Variants in JARID2 observed in about 807,000 individuals in gnomAD.
The protein encoded by JARID2 is jumonji and AT-rich interaction domain containing 2.
JARID2 carries 21 observed loss-of-function variants against 125.6 expected under a neutral mutation model. The observed-to-expected ratio is 0.17, with a 90% confidence interval of 0.12 to 0.24. The LOEUF (loss-of-function observed/expected upper bound fraction) is 0.24, where lower values mean the gene tolerates loss of function less well. Ranked by LOEUF, JARID2 falls within the 10% of genes least tolerant of loss-of-function variation. The pLI is 1.00. For synonymous variants in JARID2, 736 were observed against 661.6 expected, an observed-to-expected ratio of 1.11 and a Z score of -1.73; for missense variants, 1,303 against 1,639.6, an observed-to-expected ratio of 0.79 and a Z score of 3.55.
At chr6:15,476,649 C>A (rs761070848) in intron 5 of JARID2, among the ~76,000 whole-genome samples, 7 of 152,170 alleles carry the variant, frequency 4.6e-5, no homozygotes, top group Non-Finnish European at 7.3e-5. Flanking sequence ...TGGGTTAGCA[C>A]TCAAGGGTTA....
At chr6:15,252,467 T>C (rs1181633041) in intron 1 of JARID2, among the ~76,000 whole-genome samples, 1 of 152,176 alleles carries the variant, frequency 6.6e-6, no homozygotes, top group Non-Finnish European at 1.5e-5. Flanking sequence ...CCATGTAACA[T>C]GTAAAGTGTG....
chr6:15,434,463 CTTTG>C (rs1767118044), intron 3 of JARID2, among the ~76,000 whole-genome samples: 1 of 152,058 alleles, frequency 6.6e-6, no homozygotes, highest in African/African-American at 2.4e-5. Context: ...CAGCTGTCAT[CTTTG>C]TTTATTTTAA....
chr6:15,279,971 A>G (rs977416924), intron 1 of JARID2, among the ~76,000 whole-genome samples: 3 of 152,158 alleles, frequency 2.0e-5, no homozygotes, highest in Non-Finnish European at 4.4e-5. Flanking sequence ...CTGACTTTAT[A>G]TTTCGGGAAA....
At chr6:15,507,069 G>T in intron 9 of JARID2, 67 bp from the exon 10 acceptor site, 1 of 993,524 alleles carries the variant, frequency 1.0e-6, no homozygotes, top group Non-Finnish European at 1.6e-6. Context: ...AGTTTTGTTG[G>T]GTTGAACTGT....
At chr6:15,390,535 A>G (rs1329003959) in intron 2 of JARID2, among the ~76,000 whole-genome samples, 1 of 152,164 alleles carries the variant, frequency 6.6e-6, no homozygotes, top group African/African-American at 2.4e-5. Flanking sequence ...GTGGATGTTG[A>G]CATCCCTGCT....
chr6:15,491,215 C>CTGG (rs1295203911), intron 6 of JARID2, among the ~76,000 whole-genome samples: 1 of 152,188 alleles, frequency 6.6e-6, no homozygotes, highest in East Asian at 1.9e-4. Context: ...ATTGCACTTG[C>CTGG]TGGTGGTGGG....
At chr6:15,516,203 G>C (rs1490687052) in intron 16 of JARID2, among the ~76,000 whole-genome samples, 1 of 152,152 alleles carries the variant, frequency 6.6e-6, no homozygotes, top group East Asian at 1.9e-4. Flanking sequence ...CGTGTTCTCT[G>C]TTCCTTGCTT....
At position 15,291,763 on chromosome 6, in the gene JARID2, C is replaced by T. The variant is rs1194586213; in HGVS notation, c.45+45179C>T. Among the ~76,000 whole-genome samples the T allele has an allele frequency of 2.6e-5, 4 of 152,194 alleles. No homozygotes were observed. The South Asian group carries it at 8.3e-4, about 31-fold the overall frequency. On this transcript the variant is annotated intron_variant, in intron 1 of 17. Transcript: ENST00000341776. ...GAGAAAAGAAGTTAATCCCTTGTTC[C>T]ACTACCCCACACAAATGTTGTAAAT...
chr6:15,392,377 T>A (rs917887537), intron 2 of JARID2, among the ~76,000 whole-genome samples: 2 of 152,108 alleles, frequency 1.3e-5, no homozygotes, highest in African/African-American at 4.8e-5. Flanking sequence ...GCTGCTAAAT[T>A]TAAGGTGATT....
At chr6:15,449,012 G>A (rs1391935547) in intron 3 of JARID2, among the ~76,000 whole-genome samples, 4 of 151,854 alleles carry the variant, frequency 2.6e-5, no homozygotes, top group Non-Finnish European at 5.9e-5. Context: ...AATTTAAAAG[G>A]GGAAAAACAA....
intron 3 of JARID2, among the ~76,000 whole-genome samples, chr6:15,417,114 T>C (rs763457068): frequency 1.3e-4 from 20 of 152,092 alleles, no homozygotes; most frequent in Non-Finnish European, 2.6e-4. Context: ...GCGACTAAAA[T>C]AGAGAGCAAG....
At chr6:15,477,746 A>G (rs1429788270) in intron 5 of JARID2, among the ~76,000 whole-genome samples, 4 of 152,160 alleles carry the variant, frequency 2.6e-5, no homozygotes, top group Non-Finnish European at 5.9e-5. Context: ...TAACTAAATG[A>G]ATTGATACAT....
chr6:15,505,156 C>G (rs952101290), intron 9 of JARID2: 1 of 152,416 alleles, frequency 6.6e-6, no homozygotes, highest in African/African-American at 2.4e-5. Context: ...TTTACCTCCC[C>G]TCGGCCAGTG....
chr6:15,507,944 A>C (rs1337973966), intron 11 of JARID2, among the ~76,000 whole-genome samples: 2 of 152,250 alleles, frequency 1.3e-5, no homozygotes, highest in African/African-American at 2.4e-5. Context: ...CACCCTGCTC[A>C]GAGGCCTTAC....
At chr6:15,386,517 G>A (rs941776401) in intron 2 of JARID2, among the ~76,000 whole-genome samples, 1 of 152,174 alleles carries the variant, frequency 6.6e-6, no homozygotes, top group Admixed American at 6.5e-5. Context: ...TAGAGACAGA[G>A]TCTTGGTCTG....
chr6:15,317,726 A>C (rs1762224451), intron 1 of JARID2, among the ~76,000 whole-genome samples: 1 of 152,022 alleles, frequency 6.6e-6, no homozygotes, highest in Non-Finnish European at 1.5e-5. Flanking sequence ...AATCTCAGAA[A>C]ATGCCATGGC....
intron 1 of JARID2, among the ~76,000 whole-genome samples, chr6:15,291,910 T>C (rs1236302538): frequency 6.6e-6 from 1 of 152,256 alleles, no homozygotes; most frequent in Non-Finnish European, 1.5e-5. Context: ...CATTTTCTTA[T>C]GTTATTACAT....
chr6:15,468,220 A>G (rs1768839920), intron 4 of JARID2, among the ~76,000 whole-genome samples: 1 of 140,378 alleles, frequency 7.1e-6, no homozygotes, highest in Non-Finnish European at 1.5e-5. Context: ...TCTCTTCCTC[A>G]GCAGTGGGTA....
rs1018070773 is a variant in JARID2 at position 15,248,854 on chromosome 6, T to G, written c.45+2270T>G. 2.6e-5 allele frequency: 23 copies of G among 887,602 alleles called. No individual in the cohort carries two copies. In the African/African-American group the frequency reaches 3.9e-4, roughly 15 times the overall value. 55.0% of individuals were successfully genotyped at this position (887,602 alleles called of 1,614,324 possible). A position where few individuals can be genotyped will look rare whatever the true frequency, so the allele number is the denominator to read the frequency against. ...CGGGGCGGCGGGGGGAGGAGGGAGCTGGGCGGGGGCGGGGGCTGCCGCAGA... is the reference window on the plus strand; with the variant it reads ...CGGGGCGGCGGGGGGAGGAGGGAGCGGGGCGGGGGCGGGGGCTGCCGCAGA... On this transcript the variant is annotated intron_variant, in intron 1 of 17. Coordinates refer to ENST00000341776, the MANE Select transcript of JARID2 (RefSeq NM_004973.4).
Sources: gnomAD v4.1 joint callset for allele counts (sites outside exome capture counted in the v4.1 genomes callset) on GRCh38, gnomAD v4.1.1 for gene constraint, MANE v1.5 for transcripts, NCBI Gene and HGNC (gene_info 2026-07-23, HGNC 2026-07-21) for gene names.